PIK3R1: variants seen among roughly 807,000 people sequenced by gnomAD.
The protein encoded by PIK3R1 is phosphatidylinositol 3-kinase regulatory subunit alpha.
In PIK3R1, 29 loss-of-function variants were observed where a neutral mutation model predicts 98.0. That is an observed-to-expected ratio of 0.30 (90% CI 0.22 to 0.40). PIK3R1 has a LOEUF of 0.40. Ranked by LOEUF, PIK3R1 falls within the 10% of genes least tolerant of loss-of-function variation. PIK3R1 has a pLI of 1.00. For missense variants in PIK3R1, 596 were observed against 872.7 expected (o/e 0.68, Z 3.99); for synonymous variants, 282 against 311.8 (o/e 0.90, Z 1.01).
At position 68,297,835 on chromosome 5, in the gene PIK3R1, T is replaced by C. The variant is rs1747815513; in HGVS notation, c.*234T>C. On this transcript the variant is annotated 3_prime_UTR_variant, in exon 16 of 16. Transcript: ENST00000521381. ...AGTGCTTATCCCTTCTTTTTCTTTT[T>C]TTCTTTGGTTTAATTTAAAGCCACA... 1 of 357,586 alleles carries C rather than the reference T, an allele frequency of 2.8e-6. No homozygotes were observed. Among genetic ancestry groups the C allele is most frequent in the African/African-American group, 2.1e-5 (1 of 47,974 alleles). The allele number at this position is 357,586 out of a possible 1,614,324, so 22.2% of individuals were successfully genotyped here.
At chr5:68,287,298 C>A (rs553411875) in intron 7 of PIK3R1, among the ~76,000 whole-genome samples, 2 of 152,088 alleles carry the variant, frequency 1.3e-5, no homozygotes, top group South Asian at 4.1e-4. Flanking sequence ...AGATTAACTT[C>A]AGTTTTGTCC....
intron 1 of PIK3R1, among the ~76,000 whole-genome samples, chr5:68,218,167 C>G (rs1488895401): frequency 6.6e-6 from 1 of 152,070 alleles, no homozygotes; most frequent in African/African-American, 2.4e-5. Context: ...TTCTGGGAAA[C>G]AGAAGTGGAA....
At chr5:68,274,405 A>G (rs1746488179) in intron 4 of PIK3R1, among the ~76,000 whole-genome samples, 1 of 152,226 alleles carries the variant, frequency 6.6e-6, no homozygotes, top group Non-Finnish European at 1.5e-5. Flanking sequence ...ATGTCACTTA[A>G]GAAATGTCTC....
intron 7 of PIK3R1, among the ~76,000 whole-genome samples, chr5:68,287,198 G>GT (rs1448604066): frequency 5.3e-5 from 8 of 152,164 alleles, no homozygotes; most frequent in African/African-American, 1.7e-4. Context: ...GGAATGAAAT[G>GT]TTTTGTTTTA....
chr5:68,277,420 A>G (rs2112180064), intron 4 of PIK3R1, among the ~76,000 whole-genome samples: 1 of 152,338 alleles, frequency 6.6e-6, no homozygotes, highest in East Asian at 1.9e-4. Flanking sequence ...GTGATTTAAC[A>G]CTTCGCCTCT....
At chr5:68,280,502 CTT>C (rs74634187) in intron 5 of PIK3R1, 24 bp from the exon 6 acceptor site, 16,764 of 1,228,698 alleles carry the variant, frequency 0.014, no homozygotes, top group Non-Finnish European at 0.015. Context: ...ACTCATTTCT[CTT>C]TTTTTTTTTT....
At chr5:68,233,924 G>C (rs7725370) in intron 2 of PIK3R1, among the ~76,000 whole-genome samples, 1 of 151,288 alleles carries the variant, frequency 6.6e-6, no homozygotes, top group Non-Finnish European at 1.5e-5. Flanking sequence ...GTATTTGTCT[G>C]TCTATCTATT....
chr5:68,226,698 A>G lies in PIK3R1; in HGVS notation c.23A>G (p.Tyr8Cys), dbSNP rs1284153706. ...AACATGAGTGCTGAGGGGTACCAGT[A>G]CAGAGCGCTGTATGATTATAAAAAG... MSAEGYQ[Y>C]RALYDYKKER... The change falls in exon 2 of 16, where the codon TAC becomes TGC. Residue 8 changes from tyrosine to cysteine, a missense_variant. By Grantham distance (194) the Tyr-to-Cys change is radical. Coordinates refer to ENST00000521381, the MANE Select transcript of PIK3R1 (RefSeq NM_181523.3). The G allele has an allele frequency of 6.2e-7, 1 of 1,613,914 alleles. No homozygotes were observed. Among genetic ancestry groups the G allele is most frequent in the Non-Finnish European group, 8.5e-7 (1 of 1,179,988 alleles).
chr5:68,262,926 T>C (rs1444236112), intron 2 of PIK3R1, among the ~76,000 whole-genome samples: 2 of 103,958 alleles, frequency 1.9e-5, no homozygotes, highest in Non-Finnish European at 3.9e-5. Context: ...TGTAGATACA[T>C]GTATACATAT....
chr5:68,275,019 A>G (rs1439737217), intron 4 of PIK3R1, among the ~76,000 whole-genome samples: 2 of 152,346 alleles, frequency 1.3e-5, no homozygotes, highest in African/African-American at 4.8e-5. Flanking sequence ...GCAGTTTCAA[A>G]ATGAGGCAAC....
In PIK3R1 at chr5:68,280,729, G is replaced by C; in HGVS notation, c.836G>C (p.Ser279Thr). 1 of 1,613,454 alleles carries C rather than the reference G, an allele frequency of 6.2e-7. No homozygotes were observed. The change falls in exon 6 of 16, where the codon AGC (serine) becomes ACC (threonine). Residue 279 changes from serine to threonine, a missense_variant and splice_region_variant. Coordinates refer to ENST00000521381, the MANE Select transcript of PIK3R1 (RefSeq NM_181523.3). The stretch of plus-strand genomic sequence containing the variant: ...ATGCTTTTCAGATTCTCAGCAGCCA[G>C]GTAAGTGAAAGGAGACAAACATGTA... ...SPMLFRFSAA[S>T]SDNTENLIKV... is the part of the protein sequence containing the mutation.
chr5:68,245,847 CTCT>C (rs992273522), intron 2 of PIK3R1, among the ~76,000 whole-genome samples: 4 of 152,186 alleles, frequency 2.6e-5, no homozygotes, highest in Admixed American at 2.0e-4. Context: ...TAGTAATGAA[CTCT>C]TCTTCACCTT....
chr5:68,216,495 C>T (rs1202230816), intron 1 of PIK3R1, among the ~76,000 whole-genome samples: 1 of 152,168 alleles, frequency 6.6e-6, no homozygotes, highest in Non-Finnish European at 1.5e-5. Flanking sequence ...CTAACCCCCG[C>T]CTTCCGAAGT....
intron 5 of PIK3R1, 119 bp downstream of exon 5, chr5:68,279,852 C>A (rs1364698045): frequency 4.3e-6 from 4 of 920,874 alleles, no homozygotes; most frequent in Non-Finnish European, 6.6e-6. Context: ...CCTGTCCCTC[C>A]CCCAACAATA....
chr5:68,278,992 A>T (rs770056275), intron 4 of PIK3R1, among the ~76,000 whole-genome samples: 1 of 152,174 alleles, frequency 6.6e-6, no homozygotes, highest in Non-Finnish European at 1.5e-5. Flanking sequence ...AAGTCCGAGA[A>T]AAAAGCATGT....
rs148980353 is a variant in PIK3R1, at chr5:68,254,347, A to G, written c.335-19043A>G. ...GGAAAATTGGAAGTTTACTGAAAAG[A>G]GTTTCGAATCATGGGATTTTAGATT... On this transcript the variant is annotated intron_variant, in intron 2 of 15. Coordinates refer to ENST00000521381, the MANE Select transcript of PIK3R1 (RefSeq NM_181523.3). Among the ~76,000 whole-genome samples, 29 of 152,314 alleles carry G rather than the reference A, an allele frequency of 1.9e-4. 1 individual carries two copies. In the East Asian group the frequency reaches 5.6e-3, roughly 29 times the overall value.
intron 14 of PIK3R1, 56 bp from the exon 15 acceptor site, chr5:68,296,115 G>A (rs1275221334): frequency 6.4e-7 from 1 of 1,562,894 alleles, no homozygotes; most frequent in Non-Finnish European, 8.8e-7. Context: ...AGACAGCAAG[G>A]CAGGCTGATG....
Position 68,280,949 on chromosome 5 carries a change from A to G in PIK3R1, c.859A>G (p.Ile287Val). Residue 287 changes from isoleucine (I) to valine (V), a missense_variant, in exon 7 of 16, where the codon ATA (isoleucine) becomes GTA (valine). By Grantham distance (29) the Ile-to-Val change is conservative (BLOSUM62 3). Coordinates refer to ENST00000521381, the MANE Select transcript of PIK3R1 (RefSeq NM_181523.3). ...AASSDNTENL[I>V]KVIEILISTE... The stretch of plus-strand genomic sequence containing the variant: ...CAGCTCTGATAATACTGAAAACCTC[A>G]TAAAAGTTATAGAAATTTTAATCTC... 1.2e-6 allele frequency: 2 copies of G among 1,602,886 alleles called. No homozygotes were observed. The highest frequency in any genetic ancestry group is 1.1e-5 in the South Asian group (1 of 89,250).
At chr5:68,220,434 C>T (rs918991513) in intron 1 of PIK3R1, among the ~76,000 whole-genome samples, 2 of 152,134 alleles carry the variant, frequency 1.3e-5, no homozygotes, top group African/African-American at 4.8e-5. Context: ...TCTGTCTGTC[C>T]CTCAGGTCCC....
Sources: allele counts gnomAD v4.1 joint callset (sites outside exome capture counted in the v4.1 genomes callset), GRCh38; gene constraint gnomAD v4.1.1; transcripts MANE v1.5; gene names NCBI Gene and HGNC (gene_info 2026-07-23, HGNC 2026-07-21).